Variants in LRRC28 observed in about 807,000 individuals in gnomAD.
The protein encoded by LRRC28 is leucine rich repeat containing 28.
A neutral mutation model predicts 45.7 loss-of-function variants in LRRC28; 39 were observed. The observed-to-expected ratio is 0.85, with a 90% CI of 0.66 to 1.12. The LOEUF (loss-of-function observed/expected upper bound fraction) is 1.12, where lower values mean the gene tolerates loss of function less well. Among genes scored for constraint, LRRC28 ranks in the 50% most tolerant of loss-of-function variants. The probability of loss-of-function intolerance (pLI) is 0.00; values close to 1 mark genes in which losing one functional copy is unlikely to be tolerated. For synonymous variants in LRRC28, 206 were observed against 178.8 expected, an observed-to-expected ratio of 1.15 and a Z score of -1.22; for missense variants, 435 against 438.5, an observed-to-expected ratio of 0.99 and a Z score of 0.07.
intron 9 of LRRC28, among the ~76,000 whole-genome samples, chr15:99,383,288 T>C (rs550310399): frequency 1.6e-4 from 25 of 152,338 alleles, no homozygotes; most frequent in South Asian, 4.1e-4. Context: ...ATTTAAGATA[T>C]AGAGGGCAAT....
At chr15:99,272,448 G>A (rs551364638) in intron 2 of LRRC28, among the ~76,000 whole-genome samples, 102 of 152,296 alleles carry the variant, frequency 6.7e-4, no homozygotes, top group African/African-American at 2.3e-3. Flanking sequence ...GCAGGTGTTC[G>A]GAAAGAGAAG....
intron 7 of LRRC28, among the ~76,000 whole-genome samples, chr15:99,356,973 AAGATGAC>A (rs1196924377): frequency 3.3e-5 from 5 of 152,274 alleles, no homozygotes; most frequent in African/African-American, 4.8e-5. Context: ...TAGCTCTGCC[AAGATGAC>A]AGACTCTTTG....
Position 99,390,237 on chromosome 15 carries a change from T to G in LRRC28, c.*4135T>G, listed in dbSNP as rs1958144810. The G allele has an allele frequency of 6.6e-6, 1 of 152,292 alleles. No individual in the cohort carries two copies. Among genetic ancestry groups the G allele is most frequent in the Non-Finnish European group, 1.5e-5 (1 of 68,074 alleles). 9.4% of individuals were successfully genotyped at this position (152,292 alleles called of 1,614,324 possible). A position where few individuals can be genotyped will look rare whatever the true frequency, so the allele number is the denominator to read the frequency against. ...AGGAAAGGAATTGATCATAGCCAAG[T>G]GACTGACATTCTCTCGGTCAGGAAA... On this transcript the variant is annotated 3_prime_UTR_variant, in exon 10 of 10. Coordinates refer to ENST00000301981, the MANE Select transcript of LRRC28 (RefSeq NM_144598.5).
Position 99,334,015 on chromosome 15 carries a change from C to T in LRRC28, c.478C>T (p.Gln160Ter). 1.2e-6 allele frequency: 2 copies of T among 1,614,140 alleles called. No homozygotes were observed. Among genetic ancestry groups the T allele is most frequent in the Admixed American group, 1.7e-5 (1 of 59,998 alleles). The change falls in exon 6 of 10, where the codon CAG becomes TAG. Residue 160 changes from glutamine (Q) to a stop codon, truncating the protein, a stop_gained. Transcript: ENST00000301981. LOFTEE classifies it high-confidence loss of function. ...GAGGCTTCACATGTGCCTTTCTCTG[C>T]AGTACCTCACTGTGGACCGAAATCG... is the stretch of plus-strand genomic sequence containing the variant. ...PERLHMCLSL[Q>*]YLTVDRNRLW...
At chr15:99,288,135 A>C (rs1196558381) in intron 5 of LRRC28, among the ~76,000 whole-genome samples, 184 bp downstream of exon 5, 1 of 152,220 alleles carries the variant, frequency 6.6e-6, no homozygotes, top group Non-Finnish European at 1.5e-5. Flanking sequence ...CAAATGTAAG[A>C]AGGTAGAATT....
chr15:99,356,543 G>C (rs1196238520), intron 7 of LRRC28, among the ~76,000 whole-genome samples: 1 of 152,086 alleles, frequency 6.6e-6, no homozygotes, highest in African/African-American at 2.4e-5. Flanking sequence ...ACAGCATCAG[G>C]GACCTGCTAG....
chr15:99,385,550 G>A (rs563600700), intron 9 of LRRC28, among the ~76,000 whole-genome samples: 4 of 152,288 alleles, frequency 2.6e-5, no homozygotes, highest in South Asian at 2.1e-4. Context: ...TGACCTCTAC[G>A]AGCAACCTAT....
chr15:99,382,768 C>T (rs569392629), intron 9 of LRRC28, among the ~76,000 whole-genome samples: 37 of 151,788 alleles, frequency 2.4e-4, no homozygotes, highest in South Asian at 1.5e-3. Context: ...AAAAAAACAA[C>T]GTAGATTCTG....
At chr15:99,318,572 C>T (rs758980491) in intron 5 of LRRC28, among the ~76,000 whole-genome samples, 9 of 151,764 alleles carry the variant, frequency 5.9e-5, no homozygotes, top group Non-Finnish European at 1.2e-4. Context: ...TTTTTTCACT[C>T]TGTAGGTGGT....
At chr15:99,293,540 C>T (rs1301736621) in intron 5 of LRRC28, among the ~76,000 whole-genome samples, 1 of 123,886 alleles carries the variant, frequency 8.1e-6, no homozygotes, top group African/African-American at 3.1e-5. Flanking sequence ...TTGTGGTGAG[C>T]CGAGATCATG....
chr15:99,291,340 T>C (rs1006140271), intron 5 of LRRC28, among the ~76,000 whole-genome samples: 1 of 152,234 alleles, frequency 6.6e-6, no homozygotes, highest in Non-Finnish European at 1.5e-5. Context: ...TTGAGCCATG[T>C]ATATAGGCTT....
chr15:99,312,432 A>G (rs1955448016), intron 5 of LRRC28, among the ~76,000 whole-genome samples: 1 of 152,214 alleles, frequency 6.6e-6, no homozygotes. Flanking sequence ...TTCAGGGACA[A>G]CAGCATGTAT....
intron 9 of LRRC28, among the ~76,000 whole-genome samples, chr15:99,373,733 T>A (rs1445349429): frequency 6.6e-6 from 1 of 152,176 alleles, no homozygotes; most frequent in African/African-American, 2.4e-5. Flanking sequence ...TTTCCTGAGT[T>A]AAGAAAAAAA....
At chr15:99,378,348 A>C (rs1320780348) in intron 9 of LRRC28, among the ~76,000 whole-genome samples, 1 of 151,648 alleles carries the variant, frequency 6.6e-6, no homozygotes, top group Non-Finnish European at 1.5e-5. Flanking sequence ...TCTGTCTGCT[A>C]TTGGTGTATA....
chr15:99,370,228 A>C lies in LRRC28; in HGVS notation c.1031+6963A>C, dbSNP rs866681597. 2.0e-5 allele frequency among the ~76,000 whole-genome samples: 3 copies of C among 152,260 alleles called. No homozygotes were observed. The South Asian group carries it at 6.2e-4, about 31-fold the overall frequency. ...TGTTCAATTAGCTACTAAGTGGACC[A>C]GCATATTAGCATAGAGAAATCTCGA... On this transcript the variant is annotated intron_variant, in intron 9 of 9. Coordinates refer to ENST00000301981, the MANE Select transcript of LRRC28 (RefSeq NM_144598.5).
intron 1 of LRRC28, among the ~76,000 whole-genome samples, chr15:99,252,528 G>A (rs1418968535): frequency 1.3e-5 from 2 of 152,300 alleles, no homozygotes; most frequent in Non-Finnish European, 1.5e-5. Context: ...CGGTGCACAC[G>A]CTTTGTAGTC....
At chr15:99,316,684 G>A (rs1955605397) in intron 5 of LRRC28, among the ~76,000 whole-genome samples, 1 of 147,526 alleles carries the variant, frequency 6.8e-6, no homozygotes, top group Admixed American at 6.8e-5. Flanking sequence ...TGCAAAGAGA[G>A]ATTTGAGGTA....
chr15:99,383,538 G>A (rs1300793915), intron 9 of LRRC28, among the ~76,000 whole-genome samples: 1 of 152,200 alleles, frequency 6.6e-6, no homozygotes, highest in African/African-American at 2.4e-5. Context: ...CCAAGTGTGT[G>A]TCTGTTTCTC....
chr15:99,256,240 T>A, intron 2 of LRRC28, 115 bp downstream of exon 2: 1 of 713,960 alleles, frequency 1.4e-6, no homozygotes, highest in Non-Finnish European at 2.1e-6. Flanking sequence ...TTGTTATATA[T>A]ACAGTTAATA....
Sources: allele counts gnomAD v4.1 joint callset (sites outside exome capture counted in the v4.1 genomes callset), GRCh38; gene constraint gnomAD v4.1.1; transcripts MANE v1.5; gene names NCBI Gene and HGNC (gene_info 2026-07-23, HGNC 2026-07-21).